DNAH6: variants seen among roughly 807,000 people sequenced by gnomAD.
DNAH6 encodes axonemal beta dynein heavy chain 6.
In DNAH6, 340 loss-of-function variants were observed where a neutral mutation model predicts 491.4. That is an observed-to-expected ratio of 0.69 (90% CI 0.63 to 0.76). The LOEUF is 0.76. DNAH6 is among the 30% of genes least tolerant of loss of function. DNAH6 has a pLI of 0.00. For missense variants in DNAH6, 4,443 were observed against 4,972.2 expected (o/e 0.89, Z 3.20); for synonymous variants, 1,603 against 1,686.1 (o/e 0.95, Z 1.21).
intron 18 of DNAH6, among the ~76,000 whole-genome samples, chr2:84,599,504 T>C (rs1265897400): frequency 1.3e-5 from 2 of 152,186 alleles, no homozygotes; most frequent in African/African-American, 4.8e-5. Context: ...GTTAATTTTT[T>C]CATAAATATG....
chr2:84,701,139 T>C lies in DNAH6; in HGVS notation c.7861T>C (p.Ser2621Pro), dbSNP rs1333968856. The C allele has an allele frequency of 5.2e-6, 8 of 1,551,736 alleles. No homozygotes were observed. The highest frequency in any genetic ancestry group is 2.0e-5 in the Admixed American group (1 of 50,998). The change falls in exon 49 of 77, where the codon TCA (serine) becomes CCA (proline). Residue 2621 changes from serine (S) to proline (P), a missense_variant. Ser to Pro is a moderately conservative substitution (Grantham distance 74). Transcript: ENST00000389394. ...TCTTTCTGTGTCAAAGACATTTTTC[T>C]CACAAGTCGATGCTGGAAATGAAGA... ...ALLSVSKTFF[S>P]QVDAGNEELK...
At chr2:84,692,732 T>A (rs1427883777) in intron 45 of DNAH6, among the ~76,000 whole-genome samples, 1 of 152,218 alleles carries the variant, frequency 6.6e-6, no homozygotes, top group East Asian at 1.9e-4. Flanking sequence ...CTTCCCAGGT[T>A]TTTAAATTTC....
rs978806657 is a variant in DNAH6, at chr2:84,552,993, G to C, written c.1561G>C (p.Val521Leu). The change falls in exon 10 of 77, where the codon GTC (valine) becomes CTC (leucine). Residue 521 changes from valine (V) to leucine (L), a missense_variant. Val to Leu is a conservative substitution (Grantham distance 32, BLOSUM62 1). Around this residue, in one of 3 missense-constraint regions of DNAH6, gnomAD observed 2,977 missense variants for 3,296.6 expected, o/e 0.90. Transcript: ENST00000389394. ...PMFLTELMLT[V>L]QSLLFEPSLE... Reference sequence around the variant, plus strand: ...GTTTCTCACAGAACTAATGTTGACAGTCCAGTCACTGCTCTTTGAGCCTTC... The same window carrying C: ...GTTTCTCACAGAACTAATGTTGACACTCCAGTCACTGCTCTTTGAGCCTTC... The C allele has an allele frequency of 6.2e-7, 1 of 1,610,674 alleles. No homozygotes were observed. Among genetic ancestry groups the C allele is most frequent in the African/African-American group, 1.3e-5 (1 of 74,776 alleles).
Position 84,573,494 on chromosome 2 carries a change from G to T in DNAH6, c.1831G>T (p.Ala611Ser). ...AACCATTCAGGCCGCATTTGAATCAGCCCGCATCTATGCAGCTACCTTTGA... is the reference window on the plus strand; with the variant it reads ...AACCATTCAGGCCGCATTTGAATCATCCCGCATCTATGCAGCTACCTTTGA... ...KETIQAAFESARIYAATFEKF... is the reference protein window; with the variant it reads ...KETIQAAFESSRIYAATFEKF... The change falls in exon 12 of 77, where the codon GCC becomes TCC. Residue 611 changes from alanine to serine, a missense_variant. Transcript: ENST00000389394. 1 of 1,590,250 alleles carries T rather than the reference G, an allele frequency of 6.3e-7. No individual in the cohort carries two copies. Among genetic ancestry groups the T allele is most frequent in the Non-Finnish European group, 8.5e-7 (1 of 1,172,574 alleles).
At chr2:84,581,483 A>G (rs560464577) in intron 14 of DNAH6, among the ~76,000 whole-genome samples, 1 of 152,358 alleles carries the variant, frequency 6.6e-6, no homozygotes, top group Non-Finnish European at 1.5e-5. Context: ...TACAAAGAGC[A>G]TAGGAATAAG....
intron 58 of DNAH6, 138 bp downstream of exon 58, chr2:84,715,765 G>A (rs1697471266): frequency 5.2e-6 from 4 of 776,038 alleles, no homozygotes; most frequent in South Asian, 1.9e-5. Flanking sequence ...AAAAATACAA[G>A]TAAGTGGCCA....
chr2:84,603,207 A>G (rs964676618), intron 18 of DNAH6, among the ~76,000 whole-genome samples: 3 of 152,020 alleles, frequency 2.0e-5, no homozygotes, highest in Non-Finnish European at 2.9e-5. Flanking sequence ...ATACCAAAGC[A>G]AATAATATTT....
At chr2:84,641,295 T>C (rs7590097) in intron 32 of DNAH6, among the ~76,000 whole-genome samples, 23,215 of 152,146 alleles carry the variant, frequency 0.15, 3,020 homozygotes, top group African/African-American at 0.35. Flanking sequence ...GGGCTCTGCA[T>C]GAATCTCCCT....
chr2:84,760,709 G>A (rs1425343088), intron 63 of DNAH6, among the ~76,000 whole-genome samples: 2 of 152,074 alleles, frequency 1.3e-5, no homozygotes, highest in South Asian at 2.1e-4. Flanking sequence ...ACTCTTTGTG[G>A]GAATGTAAAT....
At chr2:84,471,520 C>G in the DNAH6 span, among the ~76,000 whole-genome samples, 1 of 152,180 alleles carries the variant, frequency 6.6e-6, no homozygotes, top group African/African-American at 2.4e-5. Context: ...CTCTTGTATT[C>G]AGGGTAGAGA....
At chr2:84,675,192 T>G (rs1693115688) in intron 40 of DNAH6, among the ~76,000 whole-genome samples, 1 of 152,234 alleles carries the variant, frequency 6.6e-6, no homozygotes, top group East Asian at 1.9e-4. Context: ...ACATTCTTTC[T>G]TGAATCAGAG....
chr2:84,677,475 C>G (rs1693356541), intron 41 of DNAH6, among the ~76,000 whole-genome samples: 1 of 152,190 alleles, frequency 6.6e-6, no homozygotes. Context: ...TGCCTTTGTG[C>G]TCATCTTATC....
the DNAH6 span, among the ~76,000 whole-genome samples, chr2:84,505,333 T>C: frequency 6.6e-6 from 1 of 152,144 alleles, no homozygotes; most frequent in Non-Finnish European, 1.5e-5. Context: ...CCTGGATACA[T>C]TTTATCTCCT....
intron 60 of DNAH6, among the ~76,000 whole-genome samples, chr2:84,725,085 C>G (rs749945456): frequency 3.9e-5 from 6 of 152,230 alleles, no homozygotes; most frequent in Non-Finnish European, 7.3e-5. Context: ...AAAAATGAAG[C>G]CTCACCAATC....
the DNAH6 span, among the ~76,000 whole-genome samples, chr2:84,482,961 T>C: frequency 6.6e-6 from 1 of 151,956 alleles, no homozygotes; most frequent in African/African-American, 2.4e-5. Flanking sequence ...CGGTTTTTTT[T>C]TTTTTTCTTT....
chr2:84,671,812 GTA>G (rs1329298805), intron 39 of DNAH6, among the ~76,000 whole-genome samples: 1 of 152,180 alleles, frequency 6.6e-6, no homozygotes, highest in African/African-American at 2.4e-5. Context: ...TAATGAGTGT[GTA>G]TATTCATTTA....
the DNAH6 span, among the ~76,000 whole-genome samples, chr2:84,501,761 TGTAA>T: frequency 6.7e-6 from 1 of 150,136 alleles, no homozygotes; most frequent in Non-Finnish European, 1.5e-5. Flanking sequence ...CTTGGTAGGT[TGTAA>T]GTGTCTAGAA....
chr2:84,604,874 C>T (rs1685601351), intron 19 of DNAH6, among the ~76,000 whole-genome samples: 1 of 152,130 alleles, frequency 6.6e-6, no homozygotes, highest in Non-Finnish European at 1.5e-5. Context: ...CTGTTAAATG[C>T]TTCAAAAGAC....
rs1696126787 is a variant in DNAH6, at chr2:84,703,476, G to A, written c.8143G>A (p.Ala2715Thr). The change falls in exon 50 of 77, where the codon GCT becomes ACT. Residue 2715 changes from alanine (A) to threonine (T), a missense_variant. Physicochemically the swap from Ala to Thr is moderately conservative, Grantham distance 58. This residue lies in a region of DNAH6 where 2,977 missense variants were observed against 3,296.6 expected (regional missense o/e 0.90). Coordinates refer to ENST00000389394, the MANE Select transcript of DNAH6 (RefSeq NM_001370.2). ...LVDKMKLDLSALEPVLLAKSE... is the reference protein window; with the variant it reads ...LVDKMKLDLSTLEPVLLAKSE... Reference sequence around the variant, plus strand: ...AGATAAAATGAAACTAGATCTTTCAGCTTTAGAGCCTGTACTTTTAGCAAA... The same window carrying A: ...AGATAAAATGAAACTAGATCTTTCAACTTTAGAGCCTGTACTTTTAGCAAA... The A allele has an allele frequency of 1.3e-6, 2 of 1,551,242 alleles. No homozygotes were observed. Among genetic ancestry groups the A allele is most frequent in the Non-Finnish European group, 1.7e-6 (2 of 1,146,762 alleles).
Sources: allele counts gnomAD v4.1 joint callset (sites outside exome capture counted in the v4.1 genomes callset), GRCh38; gene constraint gnomAD v4.1.1; regional missense constraint gnomAD v4.1.1; transcripts MANE v1.5; gene names NCBI Gene and HGNC (gene_info 2026-07-23, HGNC 2026-07-21).